PDE7A: variants seen among roughly 807,000 people sequenced by gnomAD.
The protein encoded by PDE7A is high affinity 3',5'-cyclic-AMP phosphodiesterase 7A.
In PDE7A, 39 loss-of-function variants were observed where a neutral mutation model predicts 64.3. The observed-to-expected ratio is 0.61, with a 90% CI of 0.47 to 0.79. PDE7A has a LOEUF of 0.79. PDE7A is among the 30% of genes least tolerant of loss of function. The pLI is 0.00. For missense variants in PDE7A, 470 were observed against 582.8 expected (o/e 0.81, Z 1.99); for synonymous variants, 203 against 206.8 (o/e 0.98, Z 0.16).
intron 3 of PDE7A, among the ~76,000 whole-genome samples, chr8:65,763,614 T>C (rs1808620628): frequency 6.6e-6 from 1 of 152,194 alleles, no homozygotes; most frequent in African/African-American, 2.4e-5. Flanking sequence ...AGGCATATTT[T>C]TACTCTTCAG....
intron 1 of PDE7A, chr8:65,789,021 C>A: frequency 6.4e-7 from 1 of 1,562,718 alleles, no homozygotes; most frequent in Non-Finnish European, 8.7e-7. Flanking sequence ...CTGATAAATA[C>A]CAGCTGTCCC....
chr8:65,727,065 C>T, intron 8 of PDE7A, 99 bp from the exon 9 acceptor site: 1 of 1,000,994 alleles, frequency 1.0e-6, no homozygotes, highest in South Asian at 1.4e-5. Context: ...GGTTAAAATT[C>T]TAACATTCAT....
chr8:65,833,846 C>T (rs896668354), intron 1 of PDE7A, among the ~76,000 whole-genome samples: 1 of 151,980 alleles, frequency 6.6e-6, no homozygotes, highest in South Asian at 2.1e-4. Context: ...TGCCTGTAGT[C>T]CCAGTTACTC....
At chr8:65,817,271 C>T (rs1810430568) in intron 1 of PDE7A, among the ~76,000 whole-genome samples, 1 of 152,172 alleles carries the variant, frequency 6.6e-6, no homozygotes, top group African/African-American at 2.4e-5. Flanking sequence ...TAATTAATAT[C>T]TTACATAACT....
chr8:65,821,883 T>C (rs1047984861), intron 1 of PDE7A, among the ~76,000 whole-genome samples: 1 of 152,248 alleles, frequency 6.6e-6, no homozygotes, highest in African/African-American at 2.4e-5. Context: ...TTTTAAAATA[T>C]GGCTACAACA....
intron 4 of PDE7A, among the ~76,000 whole-genome samples, chr8:65,747,201 C>T (rs1228518664): frequency 1.3e-5 from 2 of 152,146 alleles, no homozygotes; most frequent in Non-Finnish European, 2.9e-5. Flanking sequence ...TACACACACA[C>T]ACACAAAAAA....
At chr8:65,764,365 GCTGGCAAACTCGAGT>G (rs1808662620) in intron 3 of PDE7A, among the ~76,000 whole-genome samples, 1 of 152,180 alleles carries the variant, frequency 6.6e-6, no homozygotes, top group South Asian at 2.1e-4. Flanking sequence ...ACAAGCACAG[GCTGGCAAACTCGAGT>G]CTGAATGAGA....
In PDE7A at chr8:65,719,098, G is replaced by C. The variant is rs529069352; in HGVS notation, c.*192C>G. On this transcript the variant is annotated 3_prime_UTR_variant, in exon 13 of 13. Transcript: ENST00000401827. Reference sequence around the variant, plus strand: ...ACATGAAAGCCAAATTCATATTGCTGTATGTTCGGGTCTTGCAATTAACAA... The same window carrying C: ...ACATGAAAGCCAAATTCATATTGCTCTATGTTCGGGTCTTGCAATTAACAA... 1.7e-6 allele frequency: 1 copy of C among 587,288 alleles called. No homozygotes were observed. The highest frequency in any genetic ancestry group is 2.1e-5 in the South Asian group (1 of 46,680). The allele number at this position is 587,288 out of a possible 1,614,324, so 36.4% of individuals were successfully genotyped here. A position where few individuals can be genotyped will look rare whatever the true frequency, so the allele number is the denominator to read the frequency against.
At chr8:65,767,652 T>G (rs752056406) in intron 3 of PDE7A, among the ~76,000 whole-genome samples, 3 of 151,998 alleles carry the variant, frequency 2.0e-5, no homozygotes, top group Non-Finnish European at 2.9e-5. Context: ...TCAAGAAGCT[T>G]TCATAAAAAC....
At chr8:65,730,647 G>A (rs1308146935) in intron 7 of PDE7A, among the ~76,000 whole-genome samples, 4 of 152,180 alleles carry the variant, frequency 2.6e-5, no homozygotes, top group African/African-American at 9.6e-5. Flanking sequence ...AGAGAACTAG[G>A]CTGGGCATGG....
At chr8:65,764,222 G>A (rs939925350) in intron 3 of PDE7A, among the ~76,000 whole-genome samples, 5 of 152,122 alleles carry the variant, frequency 3.3e-5, no homozygotes, top group African/African-American at 7.2e-5. Context: ...CTGGGATATC[G>A]CCATAAACTA....
chr8:65,809,036 A>C (rs1006835882), intron 1 of PDE7A, among the ~76,000 whole-genome samples: 9 of 152,252 alleles, frequency 5.9e-5, no homozygotes, highest in African/African-American at 2.2e-4. Flanking sequence ...AAAGTGAAGT[A>C]GCACTGGACC....
chr8:65,771,861 C>G (rs942177496), intron 3 of PDE7A, among the ~76,000 whole-genome samples: 1 of 121,192 alleles, frequency 8.3e-6, no homozygotes, highest in Admixed American at 1.1e-4. Context: ...GGCAACAGAT[C>G]GAGACTCCGA....
At chr8:65,730,245 A>G (rs900369523) in intron 7 of PDE7A, among the ~76,000 whole-genome samples, 6 of 130,882 alleles carry the variant, frequency 4.6e-5, no homozygotes, top group Admixed American at 8.9e-5. Context: ...TAATGGCGCA[A>G]TCACGGCTCA....
chr8:65,835,643 CAA>C (rs932100470), intron 1 of PDE7A, among the ~76,000 whole-genome samples: 82 of 152,318 alleles, frequency 5.4e-4, no homozygotes, highest in African/African-American at 1.9e-3. Context: ...AAAATTGCCT[CAA>C]AGAGAATGAA....
chr8:65,788,845 G>T, intron 1 of PDE7A: 1 of 1,359,928 alleles, frequency 7.4e-7, no homozygotes, highest in Non-Finnish European at 1.1e-6. Context: ...GTAAACTAAT[G>T]ATGAATGTCA....
intron 1 of PDE7A, among the ~76,000 whole-genome samples, chr8:65,836,744 A>T (rs1344817291): frequency 6.6e-6 from 1 of 152,212 alleles, no homozygotes; most frequent in Non-Finnish European, 1.5e-5. Context: ...ATTTAAATAA[A>T]ACTGAAGTAA....
At chr8:65,792,257 T>C (rs1288769316) in intron 1 of PDE7A, among the ~76,000 whole-genome samples, 1 of 152,240 alleles carries the variant, frequency 6.6e-6, no homozygotes, top group Non-Finnish European at 1.5e-5. Flanking sequence ...AAAAACAGAA[T>C]TTGATACTAT....
intron 6 of PDE7A, among the ~76,000 whole-genome samples, chr8:65,739,029 G>A (rs1167758638): frequency 6.6e-6 from 1 of 152,216 alleles, no homozygotes; most frequent in Non-Finnish European, 1.5e-5. Context: ...AGAAGTGAAG[G>A]TGGGCCGATT....
Sources: gnomAD v4.1 joint callset for allele counts (sites outside exome capture counted in the v4.1 genomes callset) on GRCh38, gnomAD v4.1.1 for gene constraint, MANE v1.5 for transcripts, NCBI Gene and HGNC (gene_info 2026-07-23, HGNC 2026-07-21) for gene names.